BLM: variants seen among roughly 807,000 people sequenced by gnomAD.
The protein encoded by BLM is BLM RecQ like helicase.
BLM carries 95 observed loss-of-function variants against 135.3 expected under a neutral mutation model. That is an observed-to-expected ratio of 0.70 (90% CI 0.59 to 0.83). The LOEUF (loss-of-function observed/expected upper bound fraction) is 0.83, where lower values mean the gene tolerates loss of function less well. Ranked by LOEUF, BLM falls within the 40% of genes least tolerant of loss-of-function variation. The pLI, the probability that BLM is intolerant of heterozygous loss-of-function variation, is 0.00. For synonymous variants in BLM, 520 were observed against 589.2 expected (o/e 0.88, Z 1.70); for missense variants, 1,518 against 1,663.9 (o/e 0.91, Z 1.53).
intron 12 of BLM, among the ~76,000 whole-genome samples, chr15:90,773,511 CTTTTTTT>C (rs55678339): frequency 5.0e-5 from 5 of 100,846 alleles, no homozygotes; most frequent in African/African-American, 8.2e-5. Flanking sequence ...CTTCAATGGC[CTTTTTTT>C]TTTTTTTTTT....
intron 20 of BLM, among the ~76,000 whole-genome samples, chr15:90,809,642 G>A (rs1482576627): frequency 2.0e-5 from 3 of 152,202 alleles, no homozygotes; most frequent in Non-Finnish European, 4.4e-5. Flanking sequence ...GAAGGAACAT[G>A]TTATCTGACA....
intron 5 of BLM, among the ~76,000 whole-genome samples, chr15:90,756,840 C>T (rs1895832637): frequency 6.6e-6 from 1 of 152,148 alleles, no homozygotes; most frequent in African/African-American, 2.4e-5. Flanking sequence ...TCCTACAGAC[C>T]TGTAATAGAA....
At chr15:90,793,523 C>T (rs1237339261) in intron 15 of BLM, among the ~76,000 whole-genome samples, 4 of 152,178 alleles carry the variant, frequency 2.6e-5, no homozygotes, top group Admixed American at 2.6e-4. Flanking sequence ...GACACTGCCA[C>T]CCTCATTTCC....
intron 21 of BLM, among the ~76,000 whole-genome samples, chr15:90,812,022 C>T (rs778636587): frequency 6.6e-6 from 1 of 152,100 alleles, no homozygotes; most frequent in African/African-American, 2.4e-5. Context: ...ATTTGTTTGC[C>T]TGTTTGGGAT....
intron 16 of BLM, among the ~76,000 whole-genome samples, chr15:90,796,802 G>A (rs903724892): frequency 6.6e-6 from 1 of 152,160 alleles, no homozygotes; most frequent in African/African-American, 2.4e-5. Flanking sequence ...TGATCTAAGG[G>A]CAAGAGAGCT....
chr15:90,720,634 C>CT lies in BLM; in HGVS notation c.-5+3203dup, dbSNP rs199919614. Reference sequence around the variant, plus strand: ...ACTTGAGGAATTTTTTTTTTCTTTTCTTTTTTTTTGAGATAGGGCTCACTG... The same window carrying CT: ...ACTTGAGGAATTTTTTTTTTCTTTTCTTTTTTTTTTGAGATAGGGCTCACTG... On this transcript the variant is annotated intron_variant, in intron 1 of 21. Transcript: ENST00000355112. Among the ~76,000 whole-genome samples, 1,409 of 145,180 alleles carry CT rather than the reference C, an allele frequency of 9.7e-3. 14 individuals are homozygous for CT. Among genetic ancestry groups the CT allele is most frequent in the African/African-American group, 0.03 (1,200 of 39,658 alleles).
chr15:90,815,303 A>G lies in BLM; in HGVS notation c.*24A>G. ...AACAACCGAATCTCAATGTACATAG[A>G]CCCTCTTTCTTGTTTGTCAGCATCT... On this transcript the variant is annotated 3_prime_UTR_variant, in exon 22 of 22. Coordinates refer to ENST00000355112, the MANE Select transcript of BLM (RefSeq NM_000057.4). This position sits in a 1 kb window ranked among gnomAD's most constrained non-coding sequence, Gnocchi z 4.6. 1 of 1,608,416 alleles carries G rather than the reference A, an allele frequency of 6.2e-7. No homozygotes were observed. Among genetic ancestry groups the G allele is most frequent in the South Asian group, 1.1e-5 (1 of 90,942 alleles).
In BLM at chr15:90,765,412, G is replaced by T; in HGVS notation, c.2191G>T (p.Asp731Tyr). The part of the protein sequence containing the change: ...VDQVQKLTSL[D>Y]IPATYLTGDK... ...TCAAGTCCAAAAGCTGACTTCCTTG[G>T]ATGTAAGTTATAAAAATACTAATAA... Residue 731 changes from aspartate to tyrosine, a missense_variant and splice_region_variant, in exon 9 of 22, where the codon GAT becomes TAT. By Grantham distance (160) the Asp-to-Tyr change is radical. Around this residue, in one of 5 missense-constraint regions of BLM, gnomAD observed 626 missense variants for 681.1 expected, o/e 0.92. Transcript: ENST00000355112. 1 of 1,586,870 alleles carries T rather than the reference G, an allele frequency of 6.3e-7. No individual in the cohort carries two copies. The highest frequency in any genetic ancestry group is 1.1e-5 in the South Asian group (1 of 90,482).
intron 20 of BLM, among the ~76,000 whole-genome samples, chr15:90,810,683 A>G (rs892197987): frequency 6.6e-6 from 1 of 152,222 alleles, no homozygotes; most frequent in African/African-American, 2.4e-5. Flanking sequence ...TTGTGCAAAG[A>G]CAAGTTTTTT....
intron 5 of BLM, 142 bp downstream of exon 5, chr15:90,755,080 C>T (rs1895783601): frequency 9.2e-7 from 1 of 1,089,194 alleles, no homozygotes; most frequent in Non-Finnish European, 1.3e-6. Context: ...ATGTCATAAC[C>T]TTGTTTACTG....
At chr15:90,738,127 A>C (rs940194671) in intron 1 of BLM, among the ~76,000 whole-genome samples, 4 of 152,202 alleles carry the variant, frequency 2.6e-5, no homozygotes, top group African/African-American at 9.6e-5. Flanking sequence ...AAATCTGAAC[A>C]GACCTATAAC....
rs1208652152 is a variant in BLM, at chr15:90,749,982, C to T, written c.714C>T (p.Ile238=). The change falls in exon 3 of 22, where the codon ATC becomes ATT. Residue 238 remains isoleucine (I), a synonymous_variant. Transcript: ENST00000355112. The part of the protein sequence containing the change: ...SEWLSSDVIC[I]DDGPIAEVHI... ...GGTTAAGCAGCGATGTGATTTGCAT[C>T]GATGATGGCCCCATTGCTGAAGTGC... 1.2e-6 allele frequency: 2 copies of T among 1,614,162 alleles called. No homozygotes were observed. The highest frequency in any genetic ancestry group is 1.1e-5 in the South Asian group (1 of 91,080).
At chr15:90,735,273 T>TATATATATATATATA (rs1895184011) in intron 1 of BLM, among the ~76,000 whole-genome samples, 3 of 87,940 alleles carry the variant, frequency 3.4e-5, no homozygotes, top group African/African-American at 8.7e-5. Flanking sequence ...ATATATATAT[T>TATATATATATATATA]TAAGTTAATA....
At chr15:90,788,602 A>G (rs1398734745) in intron 14 of BLM, among the ~76,000 whole-genome samples, 3 of 151,784 alleles carry the variant, frequency 2.0e-5, no homozygotes, top group Non-Finnish European at 4.4e-5. Context: ...TAATACAGGA[A>G]CACTAGTTTG....
chr15:90,798,548 A>G (rs911045104), intron 17 of BLM, among the ~76,000 whole-genome samples: 2 of 152,258 alleles, frequency 1.3e-5, no homozygotes, highest in African/African-American at 4.8e-5. Context: ...CATACAAAGA[A>G]GAAAATAATA....
intron 1 of BLM, among the ~76,000 whole-genome samples, chr15:90,730,503 G>T (rs888902722): frequency 2.6e-5 from 4 of 152,036 alleles, no homozygotes; most frequent in Admixed American, 2.6e-4. Flanking sequence ...AGGCTGGAGT[G>T]CAGTGGCGCA....
At chr15:90,744,154 A>G (rs1462549659) in intron 1 of BLM, among the ~76,000 whole-genome samples, 1 of 152,214 alleles carries the variant, frequency 6.6e-6, no homozygotes, top group Admixed American at 6.5e-5. Flanking sequence ...TAATGATGCC[A>G]TAGACCACTT....
intron 12 of BLM, among the ~76,000 whole-genome samples, chr15:90,779,644 T>C (rs1896569477): frequency 6.6e-6 from 1 of 152,198 alleles, no homozygotes; most frequent in Non-Finnish European, 1.5e-5. Context: ...TATCAAAGTA[T>C]TGTTTAACGG....
intron 12 of BLM, among the ~76,000 whole-genome samples, chr15:90,779,951 T>C (rs1356240877): frequency 6.6e-6 from 1 of 152,130 alleles, no homozygotes; most frequent in Non-Finnish European, 1.5e-5. Context: ...GTCCTGGAGG[T>C]TTTTACATCC....
Sources: gnomAD v4.1 joint callset for allele counts (sites outside exome capture counted in the v4.1 genomes callset) on GRCh38, gnomAD v4.1.1 for gene constraint, gnomAD v4.1.1 regional missense constraint, Gnocchi (gnomAD v3.1) non-coding constraint, MANE v1.5 for transcripts, NCBI Gene and HGNC (gene_info 2026-07-23, HGNC 2026-07-21) for gene names.